The following STAG2 variants were observed in gnomAD, a reference collection of about 807,000 sequenced individuals.
The protein encoded by STAG2 is STAG2 cohesin complex component, also known as cohesin subunit SA-2.
A neutral mutation model predicts 108.1 loss-of-function variants in STAG2; 14 were observed. The ratio of observed to expected loss-of-function variants is 0.13; its 90% CI spans 0.09 to 0.20. STAG2 has a LOEUF of 0.20. Among genes scored for constraint, STAG2 ranks in the 10% least tolerant of loss-of-function variants. STAG2 has a pLI of 1.00. For missense variants in STAG2, 440 were observed against 940.9 expected (o/e 0.47, Z 6.96); for synonymous variants, 307 against 302.7 (o/e 1.01, Z -0.15).
chrX:124,068,500 T>C, intron 23 of STAG2, 64 bp from the exon 24 acceptor site: 1 of 775,104 alleles, frequency 1.3e-6, no homozygotes, highest in Non-Finnish European at 1.8e-6. Flanking sequence ...ATTGAAAACA[T>C]TTTAAAGAAA....
chrX:123,984,781 G>A (rs756335157), intron 1 of STAG2, among the ~76,000 whole-genome samples: 1 of 110,191 alleles, frequency 9.1e-6, no homozygotes, highest in East Asian at 2.8e-4. Flanking sequence ...GGGCCCACAG[G>A]CACACGCCAC....
chrX:124,086,688 C>T lies in STAG2; in HGVS notation c.3195C>T (p.Ser1065=), dbSNP rs2148466392. 1 of 1,211,153 alleles carries T rather than the reference C, an allele frequency of 8.3e-7. No individual in the cohort carries two copies. Among genetic ancestry groups the T allele is most frequent in the Non-Finnish European group, 1.1e-6 (1 of 895,266 alleles). Residue 1065 remains serine, a synonymous_variant, in exon 30 of 35, where the codon AGC becomes AGT. Coordinates refer to ENST00000371145, the MANE Select transcript of STAG2 (RefSeq NM_001042750.2). Reference sequence around the variant, plus strand: ...TGTCAGTCATTAGTGGAATCAGCAGCCGGGGGTCAACAGTACGGAGTAAAA... The same window carrying T: ...TGTCAGTCATTAGTGGAATCAGCAGTCGGGGGTCAACAGTACGGAGTAAAA... ...DTMSVISGIS[S]RGSTVRSKKS...
chrX:124,056,316 T>TTA (rs1263301363), intron 14 of STAG2, 81 bp downstream of exon 14: 26 of 539,696 alleles, frequency 4.8e-5, no homozygotes, highest in Middle Eastern at 1.2e-3. Flanking sequence ...GACATTAAGA[T>TTA]TATATATATA....
intron 20 of STAG2, among the ~76,000 whole-genome samples, chrX:124,064,279 T>TAG (rs1245740345): frequency 9.0e-6 from 1 of 111,177 alleles, no homozygotes; most frequent in Admixed American, 9.6e-5. Context: ...TCTTTTTTGT[T>TAG]TTGAGAAATG....
chrX:124,056,550 G>T (rs919384504), intron 14 of STAG2, among the ~76,000 whole-genome samples: 1 of 107,573 alleles, frequency 9.3e-6, no homozygotes, highest in Non-Finnish European at 1.9e-5. Flanking sequence ...TGGCTAACAC[G>T]GTGAAACCCC....
intron 1 of STAG2, among the ~76,000 whole-genome samples, chrX:124,007,909 T>G (rs1034071121): frequency 1.2e-4 from 13 of 111,888 alleles, no homozygotes; most frequent in African/African-American, 4.2e-4. Flanking sequence ...CAACATGAGA[T>G]AGTAGGTTCA....
chrX:124,019,069 T>A (rs987901645), intron 1 of STAG2, among the ~76,000 whole-genome samples: 3 of 102,173 alleles, frequency 2.9e-5, no homozygotes, highest in African/African-American at 7.2e-5. Flanking sequence ...TTTTTTTTTT[T>A]TTTTTATTTA....
intron 27 of STAG2, among the ~76,000 whole-genome samples, chrX:124,080,507 G>A (rs772129290): frequency 1.1e-4 from 12 of 110,844 alleles, no homozygotes; most frequent in Non-Finnish European, 2.1e-4. Flanking sequence ...GGCCAATATG[G>A]TGAAACCCCA....
In STAG2 at chrX:123,961,714, C is replaced by T. The variant is rs2053870956; in HGVS notation, c.-305C>T. 1 of 103,322 alleles carries T rather than the reference C, an allele frequency of 9.7e-6. No homozygotes were observed. Among genetic ancestry groups the T allele is most frequent in the Non-Finnish European group, 2.0e-5 (1 of 49,831 alleles). The allele number at this position is 103,322 out of a possible 1,213,427, so 8.5% of individuals were successfully genotyped here. A position where few individuals can be genotyped will look rare whatever the true frequency, so the allele number is the denominator to read the frequency against. ...CCCTCCCCCCTCCCTCCCTCTCTTC[C>T]TCCCTTCCTAGAGAGGGAACAACAT... On this transcript the variant is annotated 5_prime_UTR_variant, in exon 1 of 35. Coordinates refer to ENST00000371145, the MANE Select transcript of STAG2 (RefSeq NM_001042750.2).
chrX:124,071,535 T>C (rs1049978227), intron 25 of STAG2, among the ~76,000 whole-genome samples: 3 of 111,742 alleles, frequency 2.7e-5, no homozygotes, highest in Non-Finnish European at 5.6e-5. Flanking sequence ...AGATCGCTGC[T>C]TCTCACTAGC....
intron 1 of STAG2, among the ~76,000 whole-genome samples, chrX:123,972,144 T>TA (rs765869875): frequency 3.4e-4 from 38 of 110,849 alleles, no homozygotes; most frequent in African/African-American, 1.1e-3. Flanking sequence ...GAGTGAATGG[T>TA]AGTATCTGAT....
intron 1 of STAG2, among the ~76,000 whole-genome samples, chrX:123,998,633 T>TCTATCTAA (rs1556462042): frequency 1.4e-4 from 12 of 83,749 alleles, no homozygotes; most frequent in Non-Finnish European, 2.6e-4. Context: ...TATCTATCTA[T>TCTATCTAA]CTAACTAACT....
intron 15 of STAG2, among the ~76,000 whole-genome samples, chrX:124,060,504 G>A (rs1289961119): frequency 1.8e-5 from 2 of 112,428 alleles, no homozygotes; most frequent in African/African-American, 3.2e-5. Context: ...TGCATTTTGT[G>A]TTTTAATTAA....
At chrX:123,961,664 T>TCTCCCTTCCCCTC (rs1280085686), upstream of STAG2, 6 of 92,294 alleles carry the variant, frequency 6.5e-5, no homozygotes, top group South Asian at 1.3e-3. Context: ...CCCCCTCCCT[T>TCTCCCTTCCCCTC]CTCCCTTCCC....
At chrX:124,010,444 A>T (rs1257928035) in intron 1 of STAG2, among the ~76,000 whole-genome samples, 1 of 111,653 alleles carries the variant, frequency 9.0e-6, no homozygotes, top group Non-Finnish European at 1.9e-5. Flanking sequence ...CCGTGTTGTA[A>T]TGTAGTACAG....
chrX:123,973,957 T>TA (rs1168202210), intron 1 of STAG2, among the ~76,000 whole-genome samples: 2 of 111,471 alleles, frequency 1.8e-5, no homozygotes, highest in Non-Finnish European at 3.8e-5. Flanking sequence ...ACAGAAGGGT[T>TA]AAAAAAATAC....
intron 1 of STAG2, among the ~76,000 whole-genome samples, chrX:124,007,415 CTG>C (rs1316937246): frequency 3.6e-5 from 4 of 110,327 alleles, no homozygotes; most frequent in Non-Finnish European, 7.6e-5. Context: ...CTCTGTATGT[CTG>C]TGTTATTGAT....
At chrX:123,984,655 AT>A (rs915833618) in intron 1 of STAG2, among the ~76,000 whole-genome samples, 1 of 110,225 alleles carries the variant, frequency 9.1e-6, no homozygotes, top group Non-Finnish European at 1.9e-5. Context: ...TTTAATTTAA[AT>A]TTTTTTTTGA....
intron 7 of STAG2, among the ~76,000 whole-genome samples, chrX:124,044,127 G>T (rs1387724381): frequency 9.0e-6 from 1 of 111,078 alleles, no homozygotes; most frequent in East Asian, 2.8e-4. Context: ...CCAAGTAGTT[G>T]AGAAGTAATT....
Sources: allele counts gnomAD v4.1 joint callset (sites outside exome capture counted in the v4.1 genomes callset), GRCh38; gene constraint gnomAD v4.1.1; transcripts MANE v1.5; gene names NCBI Gene and HGNC (gene_info 2026-07-23, HGNC 2026-07-21).